GALNT13: variants seen among roughly 807,000 people sequenced by gnomAD.
GALNT13 encodes UDP-GalNAc:polypeptide N-acetylgalactosaminyltransferase 13.
GALNT13 carries 28 observed loss-of-function variants against 64.2 expected under a neutral mutation model. The ratio of observed to expected loss-of-function variants is 0.44; its 90% CI spans 0.32 to 0.60. The LOEUF is 0.60. GALNT13 is among the 20% of genes least tolerant of loss of function. GALNT13 has a pLI of 0.05. For synonymous variants in GALNT13, 214 were observed against 224.6 expected (o/e 0.95, Z 0.42); for missense variants, 577 against 669.8 (o/e 0.86, Z 1.53).
intron 4 of GALNT13, among the ~76,000 whole-genome samples, chr2:154,145,086 ATCTATCTATCTATC>A (rs1335098724): frequency 1.4e-4 from 17 of 119,204 alleles, no homozygotes; most frequent in South Asian, 2.8e-4. Context: ...CTATCTATCT[ATCTATCTATCTATC>A]TATATATATA....
At chr2:154,122,755 AC>A (rs911355450) in intron 3 of GALNT13, among the ~76,000 whole-genome samples, 4 of 152,040 alleles carry the variant, frequency 2.6e-5, no homozygotes, top group African/African-American at 9.7e-5. Context: ...CCTTGTTCAT[AC>A]TATTTCTTTA....
chr2:154,166,893 C>T (rs1186384994), intron 4 of GALNT13, among the ~76,000 whole-genome samples: 13 of 152,008 alleles, frequency 8.6e-5, no homozygotes, highest in South Asian at 2.1e-4. Context: ...AACCAAACAC[C>T]GCATGTTCTC....
the GALNT13 span, among the ~76,000 whole-genome samples, chr2:153,533,122 T>G: frequency 1.3e-5 from 2 of 152,148 alleles, no homozygotes; most frequent in African/African-American, 4.8e-5. Flanking sequence ...AAGGTAAAAT[T>G]TTTTTCCTTT....
intron 9 of GALNT13, among the ~76,000 whole-genome samples, chr2:154,338,800 T>C: frequency 6.6e-6 from 1 of 151,984 alleles, no homozygotes; most frequent in East Asian, 1.9e-4. Flanking sequence ...GAAGGGTAGT[T>C]AAGGTGTGGG....
At chr2:154,311,685 T>C (rs1380232621) in intron 9 of GALNT13, among the ~76,000 whole-genome samples, 1 of 152,202 alleles carries the variant, frequency 6.6e-6, no homozygotes, top group East Asian at 1.9e-4. Context: ...CTCTTCCTAA[T>C]AAGCCTGGGA....
At chr2:153,411,766 G>T in the GALNT13 span, among the ~76,000 whole-genome samples, 1 of 152,292 alleles carries the variant, frequency 6.6e-6, no homozygotes, top group African/African-American at 2.4e-5. Flanking sequence ...CATAAGCATG[G>T]TAGAAATGCT....
chr2:154,126,659 A>G (rs1032485318), intron 3 of GALNT13, among the ~76,000 whole-genome samples: 1 of 151,908 alleles, frequency 6.6e-6, no homozygotes, highest in Non-Finnish European at 1.5e-5. Flanking sequence ...AAAAAACAAA[A>G]AAAAGAAAGA....
chr2:153,093,459 G>A, the GALNT13 span, among the ~76,000 whole-genome samples: 13 of 151,848 alleles, frequency 8.6e-5, no homozygotes, highest in African/African-American at 2.2e-4. Context: ...GGCTGGTCTC[G>A]AACTCCTGAG....
chr2:154,359,447 G>A (rs547259823), intron 9 of GALNT13, among the ~76,000 whole-genome samples: 1 of 152,088 alleles, frequency 6.6e-6, no homozygotes, highest in Non-Finnish European at 1.5e-5. Flanking sequence ...TGCCTGTAGC[G>A]ATGGTTCCTG....
chr2:154,443,051 TA>T (rs1701383172), intron 12 of GALNT13, among the ~76,000 whole-genome samples: 1 of 152,086 alleles, frequency 6.6e-6, no homozygotes, highest in African/African-American at 2.4e-5. Flanking sequence ...AGAGAGCAGG[TA>T]AATGGGATTA....
chr2:153,779,213 C>CA, the GALNT13 span, among the ~76,000 whole-genome samples: 2 of 151,930 alleles, frequency 1.3e-5, no homozygotes, highest in African/African-American at 4.8e-5. Flanking sequence ...GTTCTAGACG[C>CA]AAAACATATA....
intron 9 of GALNT13, among the ~76,000 whole-genome samples, chr2:154,336,397 C>A (rs188844131): frequency 6.6e-6 from 1 of 152,012 alleles, no homozygotes; most frequent in Non-Finnish European, 1.5e-5. Flanking sequence ...ACTGCATTCA[C>A]GTCAGAGATA....
At chr2:153,333,367 T>G in the GALNT13 span, among the ~76,000 whole-genome samples, 1 of 152,190 alleles carries the variant, frequency 6.6e-6, no homozygotes, top group African/African-American at 2.4e-5. Context: ...TCTCATGTAC[T>G]AGGACTTTAC....
At chr2:153,872,627 G>GGT (rs1686045313) in intron 1 of GALNT13, among the ~76,000 whole-genome samples, 1 of 99,558 alleles carries the variant, frequency 1.0e-5, no homozygotes, top group African/African-American at 3.5e-5. Context: ...GGCGGGGGGG[G>GGT]GGGGGGGAGC....
the GALNT13 span, among the ~76,000 whole-genome samples, chr2:153,072,108 TAAC>T: frequency 6.6e-6 from 1 of 152,234 alleles, no homozygotes; most frequent in Non-Finnish European, 1.5e-5. Context: ...GTTCTTCTAA[TAAC>T]TAGCATCTGC....
At chr2:154,124,903 C>G (rs1327661273) in intron 3 of GALNT13, among the ~76,000 whole-genome samples, 1 of 151,966 alleles carries the variant, frequency 6.6e-6, no homozygotes, top group East Asian at 1.9e-4. Context: ...GTAACTACAT[C>G]AAAAGGAATA....
intron 3 of GALNT13, among the ~76,000 whole-genome samples, chr2:153,995,688 T>G (rs1695477760): frequency 6.6e-6 from 1 of 152,236 alleles, no homozygotes; most frequent in East Asian, 1.9e-4. Context: ...CTTTCAAGAT[T>G]TTTTGTCTAG....
At chr2:154,376,719 T>C (rs953462928) in intron 9 of GALNT13, among the ~76,000 whole-genome samples, 1 of 152,106 alleles carries the variant, frequency 6.6e-6, no homozygotes, top group Admixed American at 6.6e-5. Flanking sequence ...TGAAAAATCA[T>C]GAGAATTTTT....
the GALNT13 span, among the ~76,000 whole-genome samples, chr2:153,516,114 G>A: frequency 3.3e-5 from 5 of 152,164 alleles, no homozygotes; most frequent in African/African-American, 1.2e-4. Context: ...AGTAGTTGAG[G>A]GCAAAGTTCT....
Sources: allele counts gnomAD v4.1 joint callset (sites outside exome capture counted in the v4.1 genomes callset), GRCh38; gene constraint gnomAD v4.1.1; transcripts MANE v1.5; gene names NCBI Gene and HGNC (gene_info 2026-07-23, HGNC 2026-07-21).